SHROOM3: variants seen among roughly 807,000 people sequenced by gnomAD.
SHROOM3 encodes the protein protein Shroom3.
SHROOM3 carries 47 observed loss-of-function variants against 138.6 expected under a neutral mutation model. That is an observed-to-expected ratio of 0.34 (90% confidence interval 0.27 to 0.43). The LOEUF (loss-of-function observed/expected upper bound fraction) is 0.43, where lower values mean the gene tolerates loss of function less well. Among genes scored for constraint, SHROOM3 ranks in the 20% least tolerant of loss-of-function variants. SHROOM3 has a pLI of 1.00. For missense variants in SHROOM3, 2,491 were observed against 2,596.5 expected, an observed-to-expected ratio of 0.96 and a Z score of 0.88; for synonymous variants, 1,062 against 1,063.3, an observed-to-expected ratio of 1.00 and a Z score of 0.02.
rs537086679 is a variant in SHROOM3, at chr4:76,459,388, T to TGGG, written c.168+23169_168+23171dup. Among the ~76,000 whole-genome samples, 13 of 152,316 alleles carry TGGG rather than the reference T, an allele frequency of 8.5e-5. No individual in the cohort carries two copies. In the East Asian group the frequency reaches 2.3e-3, roughly 27 times the overall value. On this transcript the variant is annotated intron_variant, in intron 1 of 10. Transcript: ENST00000296043. The stretch of plus-strand genomic sequence containing the variant: ...GAGTGATGCTACACAGCCGAATAGT[T>TGGG]GGGATTTTTTCCCCCTCTTGTCATA...
chr4:76,610,470 G>A (rs1048645251), intron 2 of SHROOM3, among the ~76,000 whole-genome samples: 1 of 152,106 alleles, frequency 6.6e-6, no homozygotes, highest in Admixed American at 6.5e-5. Context: ...AGTGGTTTGT[G>A]TTTTACTTTA....
At chr4:76,457,176 G>A (rs1160609905) in intron 1 of SHROOM3, among the ~76,000 whole-genome samples, 1 of 152,136 alleles carries the variant, frequency 6.6e-6, no homozygotes, top group African/African-American at 2.4e-5. Flanking sequence ...ATGTCAAATT[G>A]TATTCTCCAC....
chr4:76,707,708 C>T (rs1304736576), intron 2 of SHROOM3, among the ~76,000 whole-genome samples: 1 of 151,972 alleles, frequency 6.6e-6, no homozygotes, highest in East Asian at 1.9e-4. Context: ...ATTCCAGGGC[C>T]CTGGTTTCTG....
intron 1 of SHROOM3, among the ~76,000 whole-genome samples, chr4:76,448,928 T>G (rs1395963078): frequency 6.6e-6 from 1 of 152,206 alleles, no homozygotes; most frequent in Non-Finnish European, 1.5e-5. Context: ...TTTTCTTGGG[T>G]ACTAAGGAAA....
intron 2 of SHROOM3, among the ~76,000 whole-genome samples, chr4:76,605,931 C>CTATA (rs1214863867): frequency 1.4e-5 from 2 of 138,956 alleles, no homozygotes; most frequent in African/African-American, 5.4e-5. Context: ...CTCTCTCTCT[C>CTATA]TCTATATATA....
intron 2 of SHROOM3, among the ~76,000 whole-genome samples, chr4:76,678,140 TTAA>T (rs1177160965): frequency 1.3e-5 from 2 of 152,218 alleles, no homozygotes; most frequent in African/African-American, 2.4e-5. Context: ...GGAGCTACAT[TTAA>T]TTTCTGTTTT....
At chr4:76,584,464 C>G (rs1734111534) in intron 2 of SHROOM3, among the ~76,000 whole-genome samples, 1 of 152,150 alleles carries the variant, frequency 6.6e-6, no homozygotes, top group Admixed American at 6.5e-5. Flanking sequence ...CAGAGTGGAT[C>G]TGAAGTGAGC....
intron 1 of SHROOM3, among the ~76,000 whole-genome samples, chr4:76,454,403 C>G (rs1354904291): frequency 6.6e-6 from 1 of 152,118 alleles, no homozygotes; most frequent in African/African-American, 2.4e-5. Flanking sequence ...TGTGGATATC[C>G]AGTTTTTTCA....
intron 2 of SHROOM3, among the ~76,000 whole-genome samples, chr4:76,646,225 A>AATAAATAAATAAAT (rs61374645): frequency 4.2e-5 from 4 of 96,266 alleles, no homozygotes; most frequent in Admixed American, 1.1e-4. Flanking sequence ...ATAATAAATA[A>AATAAATAAATAAAT]ATATATATAT....
intron 2 of SHROOM3, among the ~76,000 whole-genome samples, chr4:76,619,981 G>C (rs1164875655): frequency 6.8e-6 from 1 of 147,354 alleles, no homozygotes; most frequent in Non-Finnish European, 1.5e-5. Context: ...AGAATTACTT[G>C]AACCTGGTGG....
intron 2 of SHROOM3, among the ~76,000 whole-genome samples, chr4:76,677,558 A>G (rs754899456): frequency 6.6e-6 from 1 of 152,216 alleles, no homozygotes; most frequent in Non-Finnish European, 1.5e-5. Context: ...TTCTCTTACC[A>G]ATAGACAATG....
intron 1 of SHROOM3, among the ~76,000 whole-genome samples, chr4:76,537,241 A>T (rs1732972856): frequency 1.3e-5 from 2 of 152,210 alleles, no homozygotes; most frequent in South Asian, 4.1e-4. Flanking sequence ...GTGTACATGG[A>T]CATTTCAGAA....
chr4:76,549,833 A>T (rs770890178), intron 1 of SHROOM3, among the ~76,000 whole-genome samples: 7 of 152,166 alleles, frequency 4.6e-5, no homozygotes, highest in Non-Finnish European at 8.8e-5. Context: ...CTGATGGAGC[A>T]TCCCTTAATC....
intron 1 of SHROOM3, among the ~76,000 whole-genome samples, chr4:76,460,827 C>CATAAAAAAAAAAAAA (rs1731125511): frequency 1.3e-5 from 1 of 78,770 alleles, no homozygotes; most frequent in Admixed American, 1.9e-4. Flanking sequence ...CCCGTATCTA[C>CATAAAAAAAAAAAAA]AAAAAAAAAA....
At chr4:76,576,324 A>C (rs1373803670) in intron 2 of SHROOM3, among the ~76,000 whole-genome samples, 1 of 152,256 alleles carries the variant, frequency 6.6e-6, no homozygotes, top group African/African-American at 2.4e-5. Context: ...GCCATTTAAA[A>C]AAATGAGATC....
intron 2 of SHROOM3, among the ~76,000 whole-genome samples, chr4:76,651,445 T>TATATATATAC (rs1735960605): frequency 1.1e-5 from 1 of 91,568 alleles, no homozygotes; most frequent in Admixed American, 1.1e-4. Context: ...TATATATATA[T>TATATATATAC]ACCTACTATG....
chr4:76,711,524 C>T (rs1243786550), intron 3 of SHROOM3, among the ~76,000 whole-genome samples: 1 of 152,136 alleles, frequency 6.6e-6, no homozygotes, highest in Non-Finnish European at 1.5e-5. Flanking sequence ...AAAACCCTGT[C>T]TCTACAAAAA....
chr4:76,482,099 C>G (rs1365649469), intron 1 of SHROOM3, among the ~76,000 whole-genome samples: 1 of 152,140 alleles, frequency 6.6e-6, no homozygotes, highest in East Asian at 1.9e-4. Flanking sequence ...TGGCATAAGA[C>G]AAGGATACCC....
intron 2 of SHROOM3, among the ~76,000 whole-genome samples, chr4:76,676,962 A>G (rs58831600): frequency 1.4e-5 from 2 of 142,764 alleles, no homozygotes; most frequent in Admixed American, 7.1e-5. Flanking sequence ...AAAAAAAAAA[A>G]AAAAAGGAAA....
Sources: gnomAD v4.1 joint callset for allele counts (sites outside exome capture counted in the v4.1 genomes callset) on GRCh38, gnomAD v4.1.1 for gene constraint, MANE v1.5 for transcripts, NCBI Gene and HGNC (gene_info 2026-07-23, HGNC 2026-07-21) for gene names.